Variants in SNTG1 observed in about 807,000 individuals in gnomAD.
SNTG1 encodes syntrophin gamma 1, also known as gamma-1-syntrophin.
In SNTG1, 39 loss-of-function variants were observed where a neutral mutation model predicts 74.7. The ratio of observed to expected loss-of-function variants is 0.52; its 90% CI spans 0.40 to 0.68. SNTG1 has a LOEUF of 0.68. Among genes scored for constraint, SNTG1 ranks in the 30% least tolerant of loss-of-function variants. The probability of loss-of-function intolerance (pLI) is 0.00; values close to 1 mark genes in which losing one functional copy is unlikely to be tolerated. For missense variants in SNTG1, 685 were observed against 609.5 expected (o/e 1.12, Z -1.30); for synonymous variants, 254 against 217.1 (o/e 1.17, Z -1.49).
intron 8 of SNTG1, chr8:50,491,489 G>T (rs960221682): frequency 6.6e-6 from 1 of 152,266 alleles, no homozygotes; most frequent in Admixed American, 6.5e-5. Context: ...GAAAGCCCCA[G>T]CGAGTGAGCC....
chr8:50,539,885 C>T (rs528737311), intron 11 of SNTG1, among the ~76,000 whole-genome samples: 1 of 152,204 alleles, frequency 6.6e-6, no homozygotes, highest in South Asian at 2.1e-4. Context: ...TTTATTGTAC[C>T]CATTCTCTAG....
At chr8:50,747,958 C>T (rs2095558905) in intron 17 of SNTG1, 1 of 149,106 alleles carries the variant, frequency 6.7e-6, no homozygotes, top group African/African-American at 2.5e-5. Context: ...GTGTAAGACA[C>T]AATTTTTTTT....
chr8:50,151,878 T>C (rs969952727), intron 1 of SNTG1, among the ~76,000 whole-genome samples: 3 of 152,204 alleles, frequency 2.0e-5, no homozygotes, highest in African/African-American at 7.2e-5. Context: ...GAGAAGAATG[T>C]ATATTCTGTT....
chr8:50,549,568 A>G (rs749749818), intron 11 of SNTG1, among the ~76,000 whole-genome samples: 17 of 152,178 alleles, frequency 1.1e-4, no homozygotes, highest in African/African-American at 3.9e-4. Context: ...CAATGCTTCA[A>G]TGTCTCCACT....
At chr8:50,769,885 C>G (rs1468614753) in intron 18 of SNTG1, among the ~76,000 whole-genome samples, 2 of 151,864 alleles carry the variant, frequency 1.3e-5, no homozygotes, top group Non-Finnish European at 2.9e-5. Context: ...CCTAAAAGAA[C>G]CTAAAAGATT....
chr8:50,714,595 GA>G (rs930170020), intron 17 of SNTG1, among the ~76,000 whole-genome samples: 4 of 151,976 alleles, frequency 2.6e-5, no homozygotes, highest in African/African-American at 9.6e-5. Context: ...ACATTCCTGA[GA>G]AAAAAATACA....
intron 15 of SNTG1, 83 bp downstream of exon 15, chr8:50,658,746 A>G (rs750631072): frequency 2.4e-5 from 20 of 846,466 alleles, no homozygotes; most frequent in Non-Finnish European, 3.6e-5. Context: ...TCATGAAAAC[A>G]AATCATTCAT....
At chr8:50,143,697 G>A (rs990519787) in intron 1 of SNTG1, among the ~76,000 whole-genome samples, 8 of 152,274 alleles carry the variant, frequency 5.3e-5, no homozygotes, top group African/African-American at 1.4e-4. Context: ...CTGTTTGGGC[G>A]CATAACTCTG....
chr8:50,263,477 A>C (rs1185454877), intron 2 of SNTG1, among the ~76,000 whole-genome samples: 1 of 152,168 alleles, frequency 6.6e-6, no homozygotes, highest in Non-Finnish European at 1.5e-5. Context: ...TAGGAGACAC[A>C]ACTTAGATTC....
intron 13 of SNTG1, among the ~76,000 whole-genome samples, chr8:50,599,093 T>A (rs2130919523): frequency 6.6e-6 from 1 of 152,170 alleles, no homozygotes; most frequent in Non-Finnish European, 1.5e-5. Context: ...CCATCCAGTT[T>A]TCCCAGCACC....
At chr8:50,495,431 T>C (rs1239144948) in intron 8 of SNTG1, among the ~76,000 whole-genome samples, 1 of 151,912 alleles carries the variant, frequency 6.6e-6, no homozygotes. Context: ...GCAACCAAGA[T>C]GAGAGCTGAT....
chr8:50,742,076 C>T (rs1006280625), intron 17 of SNTG1, among the ~76,000 whole-genome samples: 19 of 151,886 alleles, frequency 1.3e-4, no homozygotes, highest in African/African-American at 4.6e-4. Context: ...CACTCTGTTT[C>T]TTTTGCTTAT....
At chr8:50,045,534 A>C (rs1288063183) in intron 1 of SNTG1, among the ~76,000 whole-genome samples, 2 of 152,138 alleles carry the variant, frequency 1.3e-5, no homozygotes, top group East Asian at 3.9e-4. Flanking sequence ...TTACAATTCA[A>C]CATAAGATTT....
chr8:50,266,682 G>GTATATATATA (rs1341606847), intron 2 of SNTG1, among the ~76,000 whole-genome samples: 14 of 137,448 alleles, frequency 1.0e-4, no homozygotes, highest in African/African-American at 3.9e-4. Flanking sequence ...GTGTGTGTGT[G>GTATATATATA]TGTATATATA....
At chr8:50,474,005 G>A (rs2131767684) in intron 8 of SNTG1, among the ~76,000 whole-genome samples, 1 of 152,058 alleles carries the variant, frequency 6.6e-6, no homozygotes, top group South Asian at 2.1e-4. Flanking sequence ...CACCACAGAG[G>A]TGCAACGGCT....
At chr8:50,093,985 GCC>G (rs2079838014) in intron 1 of SNTG1, among the ~76,000 whole-genome samples, 1 of 152,136 alleles carries the variant, frequency 6.6e-6, no homozygotes, top group Non-Finnish European at 1.5e-5. Flanking sequence ...AAAAGGAAAA[GCC>G]ATCTGTCTAT....
chr8:50,037,862 G>C (rs1818294989), intron 1 of SNTG1, among the ~76,000 whole-genome samples: 1 of 152,172 alleles, frequency 6.6e-6, no homozygotes, highest in South Asian at 2.1e-4. Context: ...AGAAACTGAT[G>C]AGAGAGTGTG....
chr8:50,335,788 C>A (rs1395967425), intron 2 of SNTG1, among the ~76,000 whole-genome samples: 1 of 150,316 alleles, frequency 6.7e-6, no homozygotes, highest in Non-Finnish European at 1.5e-5. Context: ...TAAGTCATAG[C>A]CACTGCCAAT....
At chr8:50,578,447 G>C (rs113577216) in intron 12 of SNTG1, among the ~76,000 whole-genome samples, 1,894 of 152,096 alleles carry the variant, frequency 0.012, 44 homozygotes, top group African/African-American at 0.042. Context: ...GACAGCAAGA[G>C]CAAGGGAGGG....
Sources: allele counts gnomAD v4.1 joint callset (sites outside exome capture counted in the v4.1 genomes callset), GRCh38; gene constraint gnomAD v4.1.1; transcripts MANE v1.5; gene names NCBI Gene and HGNC (gene_info 2026-07-23, HGNC 2026-07-21).